DHRSX: variants seen among roughly 807,000 people sequenced by gnomAD.
The protein encoded by DHRSX is dehydrogenase/reductase X-linked.
Under a neutral mutation model 34.0 loss-of-function variants are expected in DHRSX, and 31 were observed. The ratio of observed to expected loss-of-function variants is 0.91; its 90% CI spans 0.69 to 1.23. DHRSX has a LOEUF of 1.23. Among genes scored for constraint, DHRSX ranks in the 50% most tolerant of loss-of-function variants. The pLI is 0.00. For synonymous variants in DHRSX, 201 were observed against 183.8 expected (o/e 1.09, Z -0.76); for missense variants, 414 against 428.1 (o/e 0.97, Z 0.29).
chrX:2,352,555 G>A (rs2042801011), intron 3 of DHRSX, among the ~76,000 whole-genome samples: 1 of 152,118 alleles, frequency 6.6e-6, no homozygotes, highest in Admixed American at 6.6e-5. Context: ...CAGACATGCA[G>A]GATCAACGCA....
Position 2,342,131 on chromosome X carries a change from G to A in DHRSX, c.287-50528C>T, listed in dbSNP as rs182659322. Among the ~76,000 whole-genome samples, 46 of 152,212 alleles carry A rather than the reference G, an allele frequency of 3.0e-4. No individual in the cohort carries two copies. The South Asian group carries it at 3.1e-3, about 10-fold the overall frequency. Reference sequence around the variant, plus strand: ...GATTTAGAAGCTTTTGTTTGTGGGCGTGAAGGTTCAGTAAGAGCTTCCTCT... The same window carrying A: ...GATTTAGAAGCTTTTGTTTGTGGGCATGAAGGTTCAGTAAGAGCTTCCTCT... On this transcript the variant is annotated intron_variant, in intron 3 of 6. Transcript: ENST00000334651.
chrX:2,421,537 C>T (rs1216890096), intron 2 of DHRSX, among the ~76,000 whole-genome samples: 2 of 152,200 alleles, frequency 1.3e-5, no homozygotes, highest in Non-Finnish European at 2.9e-5. Flanking sequence ...ACCAGAAGGC[C>T]ACATGGGCTG....
chrX:2,495,119 CATT>C (rs2045248984), intron 1 of DHRSX, among the ~76,000 whole-genome samples: 1 of 149,548 alleles, frequency 6.7e-6, no homozygotes, highest in African/African-American at 2.5e-5. Context: ...TATATTCTAT[CATT>C]ATTATCATTA....
intron 3 of DHRSX, among the ~76,000 whole-genome samples, chrX:2,312,366 C>T (rs1249272011): frequency 3.9e-5 from 6 of 151,968 alleles, no homozygotes; most frequent in Non-Finnish European, 8.8e-5. Context: ...AAATGTGGCA[C>T]GTAGACACCA....
At chrX:2,267,419 C>T (rs1171214407) in intron 4 of DHRSX, among the ~76,000 whole-genome samples, 1 of 151,990 alleles carries the variant, frequency 6.6e-6, no homozygotes, top group Non-Finnish European at 1.5e-5. Flanking sequence ...GTGGCAGGGT[C>T]CTGTAGTTCC....
intron 3 of DHRSX, among the ~76,000 whole-genome samples, chrX:2,371,297 TC>T (rs199841254): frequency 1.4e-5 from 2 of 147,222 alleles, no homozygotes; most frequent in African/African-American, 2.5e-5. Context: ...TAGTCCCTCC[TC>T]CATTACCATA....
chrX:2,384,956 T>C (rs890086185), intron 3 of DHRSX, among the ~76,000 whole-genome samples: 1 of 148,962 alleles, frequency 6.7e-6, no homozygotes, highest in Non-Finnish European at 1.5e-5. Flanking sequence ...AAAAAATATA[T>C]ATATATACAT....
intron 2 of DHRSX, among the ~76,000 whole-genome samples, chrX:2,420,957 T>C (rs1334179946): frequency 6.6e-6 from 1 of 152,206 alleles, no homozygotes; most frequent in Non-Finnish European, 1.5e-5. Flanking sequence ...CACGATGTTA[T>C]CATTATCTAA....
chrX:2,481,048 T>A (rs1348533945), intron 1 of DHRSX, among the ~76,000 whole-genome samples: 1 of 152,178 alleles, frequency 6.6e-6, no homozygotes, highest in Non-Finnish European at 1.5e-5. Flanking sequence ...GTTAATTAGC[T>A]TGAATGTTAA....
intron 3 of DHRSX, among the ~76,000 whole-genome samples, chrX:2,303,777 A>ATGGG (rs2042045762): frequency 2.0e-5 from 1 of 50,038 alleles, no homozygotes; most frequent in Non-Finnish European, 4.1e-5. Flanking sequence ...GGATAAATGG[A>ATGGG]TGGATGGATG....
At chrX:2,409,382 A>G (rs1268837118) in intron 2 of DHRSX, among the ~76,000 whole-genome samples, 1 of 152,092 alleles carries the variant, frequency 6.6e-6, no homozygotes, top group Non-Finnish European at 1.5e-5. Context: ...CCATCAACCC[A>G]TCATCTACAT....
At chrX:2,425,543 G>C in intron 1 of DHRSX, among the ~76,000 whole-genome samples, 1 of 152,136 alleles carries the variant, frequency 6.6e-6, no homozygotes, top group Non-Finnish European at 1.5e-5. Context: ...TCCCCTGTGA[G>C]TCCCTGGCAG....
chrX:2,322,728 T>C (rs1332191003), intron 3 of DHRSX, among the ~76,000 whole-genome samples: 5 of 150,600 alleles, frequency 3.3e-5, no homozygotes, highest in Non-Finnish European at 5.9e-5. Flanking sequence ...ACTTTAATAA[T>C]ACAGTATACA....
At chrX:2,473,947 G>A (rs1437511913) in intron 1 of DHRSX, among the ~76,000 whole-genome samples, 1 of 150,256 alleles carries the variant, frequency 6.7e-6, no homozygotes, top group Non-Finnish European at 1.5e-5. Context: ...TGCGGACAGG[G>A]CAGGAGAAGG....
intron 3 of DHRSX, among the ~76,000 whole-genome samples, chrX:2,390,148 T>TTG (rs2043318629): frequency 6.7e-6 from 1 of 150,038 alleles, no homozygotes; most frequent in Non-Finnish European, 1.5e-5. Flanking sequence ...TTTAACCTTT[T>TTG]TTTTTTTTTT....
intron 3 of DHRSX, among the ~76,000 whole-genome samples, chrX:2,309,590 C>T (rs1184770046): frequency 6.6e-6 from 1 of 152,130 alleles, no homozygotes; most frequent in Non-Finnish European, 1.5e-5. Context: ...AGATCTTAGT[C>T]AACCTTGTAA....
chrX:2,340,519 T>G (rs73189657), intron 3 of DHRSX, among the ~76,000 whole-genome samples: 43,026 of 151,718 alleles, frequency 0.28, 7,665 homozygotes, highest in African/African-American at 0.49. Context: ...GAGTCCACAG[T>G]CAGTAATGTC....
rs2043371971 is a variant in DHRSX at position 2,393,749 on chromosome X, AG to A, written c.286+14995del. On this transcript the variant is annotated intron_variant, in intron 3 of 6. Coordinates refer to ENST00000334651, the MANE Select transcript of DHRSX (RefSeq NM_145177.3). ...CCCGTCTCCTGCACACACGACACAC[AG>A]GGACCTCCCCATCTCCTGGGCACAC... 1.9e-5 allele frequency among the ~76,000 whole-genome samples: 2 copies of A among 107,000 alleles called. 1 individual carries two copies. The highest frequency in any genetic ancestry group is 7.3e-5 in the African/African-American group (2 of 27,550). 70.2% of individuals were successfully genotyped at this position (107,000 alleles called of 152,430 possible).
At chrX:2,286,612 T>A (rs1441926533) in intron 4 of DHRSX, among the ~76,000 whole-genome samples, 3 of 151,040 alleles carry the variant, frequency 2.0e-5, no homozygotes, top group Non-Finnish European at 4.4e-5. Context: ...TTGTGAAGAG[T>A]GGGCAATGGG....
Sources: gnomAD v4.1 joint callset for allele counts (sites outside exome capture counted in the v4.1 genomes callset) on GRCh38, gnomAD v4.1.1 for gene constraint, MANE v1.5 for transcripts, NCBI Gene and HGNC (gene_info 2026-07-23, HGNC 2026-07-21) for gene names.